The following SP140L variants were observed in gnomAD, a reference collection of about 807,000 sequenced individuals.
SP140L encodes the protein SP140 like nuclear body protein.
In SP140L, 64 loss-of-function variants were observed where a neutral mutation model predicts 84.3. That is an observed-to-expected ratio of 0.76 (90% CI 0.62 to 0.94). SP140L has a LOEUF of 0.94. SP140L is among the 40% of genes least tolerant of loss of function. The pLI, the probability that SP140L is intolerant of heterozygous loss-of-function variation, is 0.00. For synonymous variants in SP140L, 242 were observed against 236.9 expected (o/e 1.02, Z -0.20); for missense variants, 628 against 692.5 (o/e 0.91, Z 1.05).
intron 2 of SP140L, among the ~76,000 whole-genome samples, chr2:230,344,854 A>G (rs2060163748): frequency 6.6e-6 from 1 of 152,134 alleles, no homozygotes; most frequent in Non-Finnish European, 1.5e-5. Context: ...TCCTCCTGTT[A>G]TGGATTTCGA....
intron 2 of SP140L, among the ~76,000 whole-genome samples, chr2:230,349,979 A>C (rs1490291693): frequency 6.6e-6 from 1 of 152,196 alleles, no homozygotes; most frequent in Non-Finnish European, 1.5e-5. Context: ...ACTGCACTCC[A>C]GCCTGGGGGA....
chr2:230,390,098 G>T, intron 11 of SP140L, 75 bp downstream of exon 11: 1 of 1,321,980 alleles, frequency 7.6e-7, no homozygotes, highest in South Asian at 1.3e-5. Flanking sequence ...TTATTTGTGT[G>T]AATTACACAT....
chr2:230,327,268 C>T lies in SP140L; in HGVS notation c.-2C>T, dbSNP rs749876885. 35 of 1,610,864 alleles carry T rather than the reference C, an allele frequency of 2.2e-5. No individual in the cohort carries two copies. The highest frequency in any genetic ancestry group is 4.5e-5 in the East Asian group (2 of 44,808). ...CACCCAGGCAGGGCCTAGGGTGGGA[C>T]GATGGCAGGTGGGGGCAGCGACCTG... On this transcript the variant is annotated 5_prime_UTR_variant, in exon 1 of 19. The change creates a new upstream start codon in the 5' untranslated region. Transcript: ENST00000415673.
At chr2:230,374,408 A>G (rs1052188011) in intron 7 of SP140L, among the ~76,000 whole-genome samples, 1 of 152,074 alleles carries the variant, frequency 6.6e-6, no homozygotes, top group African/African-American at 2.4e-5. Flanking sequence ...TTTATTATGG[A>G]TGATTAAAGA....
chr2:230,388,672 C>T (rs2061686337), intron 10 of SP140L, 39 bp downstream of exon 10: 2 of 1,507,924 alleles, frequency 1.3e-6, no homozygotes, highest in Non-Finnish European at 1.8e-6. Context: ...AATAACTAAA[C>T]ATCTAATTTC....
intron 2 of SP140L, among the ~76,000 whole-genome samples, chr2:230,341,141 G>C (rs1362878198): frequency 7.7e-6 from 1 of 129,050 alleles, no homozygotes; most frequent in East Asian, 2.3e-4. Context: ...ATCAGACGTA[G>C]ATTTGGTCTT....
At chr2:230,375,884 T>G (rs1051910701) in intron 7 of SP140L, among the ~76,000 whole-genome samples, 2 of 152,176 alleles carry the variant, frequency 1.3e-5, no homozygotes, top group African/African-American at 4.8e-5. Context: ...TAAAATTATT[T>G]CCTTTGCTGT....
intron 7 of SP140L, among the ~76,000 whole-genome samples, chr2:230,378,709 T>C (rs993111077): frequency 1.5e-4 from 23 of 152,244 alleles, no homozygotes; most frequent in Non-Finnish European, 3.4e-4. Context: ...CATCCTAATG[T>C]GTGGTCATTA....
intron 9 of SP140L, among the ~76,000 whole-genome samples, chr2:230,386,518 A>G (rs1165968370): frequency 1.3e-5 from 2 of 152,204 alleles, no homozygotes; most frequent in Non-Finnish European, 2.9e-5. Flanking sequence ...AGTATTTATT[A>G]AGGTTTATGT....
rs767101198 is a variant in SP140L, at chr2:230,402,918, G to T, written c.*22G>T. On this transcript the variant is annotated 3_prime_UTR_variant, in exon 19 of 19. Coordinates refer to ENST00000415673, the MANE Select transcript of SP140L (RefSeq NM_138402.6). ...TTGACTGGTTTAGTGGATGCTGAAGGCCTTCAGGAAATATGCTACTGGTTG... is the reference window on the plus strand; with the variant it reads ...TTGACTGGTTTAGTGGATGCTGAAGTCCTTCAGGAAATATGCTACTGGTTG... The T allele has an allele frequency of 2.5e-5, 40 of 1,584,956 alleles. No individual in the cohort carries two copies. The East Asian group carries it at 8.2e-4, about 33-fold the overall frequency.
intron 13 of SP140L, 87 bp from the exon 14 acceptor site, chr2:230,396,670 T>C: frequency 6.6e-7 from 1 of 1,507,826 alleles, no homozygotes; most frequent in Admixed American, 1.8e-5. Flanking sequence ...CTGAATCCCT[T>C]CAAAGATGAC....
chr2:230,328,373 CAT>C (rs1559396703), intron 1 of SP140L, among the ~76,000 whole-genome samples: 1 of 152,100 alleles, frequency 6.6e-6, no homozygotes, highest in Non-Finnish European at 1.5e-5. Context: ...TTTTTGTAAA[CAT>C]ATAATTTGTG....
At chr2:230,360,765 G>A (rs947580883) in intron 4 of SP140L, among the ~76,000 whole-genome samples, 4 of 152,028 alleles carry the variant, frequency 2.6e-5, no homozygotes, top group African/African-American at 7.3e-5. Context: ...ACTGCCCACC[G>A]CCCCACCCAG....
chr2:230,361,366 C>T (rs1480524449), intron 4 of SP140L, among the ~76,000 whole-genome samples: 1 of 152,152 alleles, frequency 6.6e-6, no homozygotes, highest in Non-Finnish European at 1.5e-5. Context: ...GACAATTTTG[C>T]GGGTAACACA....
chr2:230,358,682 T>C (rs1245029434), intron 3 of SP140L, among the ~76,000 whole-genome samples: 2 of 152,212 alleles, frequency 1.3e-5, no homozygotes, highest in Non-Finnish European at 2.9e-5. Context: ...TCAATCAGGC[T>C]CTTAAAGAAC....
rs768267371 is a variant in SP140L, at chr2:230,361,728, A to G, written c.523+31A>G. ...AATGACAGAATAAAAACGGTTTCTC[A>G]TCCGCTAAGAGGAAAAGGAGACAAG... On this transcript the variant is annotated intron_variant, in intron 5 of 18. Transcript: ENST00000415673. 12 of 1,496,978 alleles carry G rather than the reference A, an allele frequency of 8.0e-6. No homozygotes were observed. The South Asian group carries it at 1.4e-4, about 18-fold the overall frequency. The allele number at this position is 1,496,978 out of a possible 1,614,324, so 92.7% of individuals were successfully genotyped here. A position where few individuals can be genotyped will look rare whatever the true frequency, so the allele number is the denominator to read the frequency against.
Position 230,402,825 on chromosome 2 carries a change from A to G in SP140L, c.1672A>G (p.Arg558Gly). The G allele has an allele frequency of 6.2e-7, 1 of 1,612,732 alleles. No individual in the cohort carries two copies. The highest frequency in any genetic ancestry group is 1.7e-5 in the Admixed American group (1 of 59,628). ...KYKDFGQMGL[R>G]LEAEFEKDFK... ...TAAGGATTTTGGCCAAATGGGACTT[A>G]GACTGGAGGCTGAATTTGAGAAGGA... The change falls in exon 19 of 19, where the codon AGA becomes GGA. Residue 558 changes from arginine to glycine, a missense_variant. By Grantham distance (125) the Arg-to-Gly change is moderately radical. This residue lies in a region of SP140L where 44 missense variants were observed against 36.1 expected (regional missense o/e 1.22). Transcript: ENST00000415673.
At chr2:230,343,655 C>CTCCTGCTG (rs2060127983) in intron 2 of SP140L, among the ~76,000 whole-genome samples, 1 of 117,822 alleles carries the variant, frequency 8.5e-6, no homozygotes, top group Admixed American at 8.5e-5. Flanking sequence ...TGAGGAATTG[C>CTCCTGCTG]CACACTGTCT....
chr2:230,333,919 T>C (rs2059795602), intron 2 of SP140L, among the ~76,000 whole-genome samples: 1 of 151,262 alleles, frequency 6.6e-6, no homozygotes. Context: ...TATAGCATCT[T>C]GTTGTTGTTG....
Sources: gnomAD v4.1 joint callset for allele counts (sites outside exome capture counted in the v4.1 genomes callset) on GRCh38, gnomAD v4.1.1 for gene constraint, gnomAD v4.1.1 regional missense constraint, MANE v1.5 for transcripts, NCBI Gene and HGNC (gene_info 2026-07-23, HGNC 2026-07-21) for gene names.